The following GREM2 variants were observed in gnomAD, a reference collection of about 807,000 sequenced individuals.
GREM2 encodes the protein gremlin-2.
GREM2 carries 11 observed loss-of-function variants against 14.2 expected under a neutral mutation model. The ratio of observed to expected loss-of-function variants is 0.78; its 90% CI spans 0.49 to 1.28. The LOEUF is 1.28. GREM2 is among the 50% of genes most tolerant of loss of function. The pLI is 0.00. For missense variants in GREM2, 210 were observed against 218.5 expected (o/e 0.96, Z 0.24); for synonymous variants, 98 against 97.6 (o/e 1.00, Z -0.02).
chr1:240,510,188 T>A (rs550760376), intron 1 of GREM2, among the ~76,000 whole-genome samples: 1 of 151,474 alleles, frequency 6.6e-6, no homozygotes, highest in Non-Finnish European at 1.5e-5. Flanking sequence ...GCTAACACGG[T>A]GAAACCCCGT....
At chr1:240,585,105 G>A (rs753102605) in intron 1 of GREM2, among the ~76,000 whole-genome samples, 2 of 152,188 alleles carry the variant, frequency 1.3e-5, no homozygotes, top group Non-Finnish European at 2.9e-5. Flanking sequence ...AACTGGTGGG[G>A]AGGGATCCTT....
At chr1:240,541,815 G>A (rs1271635338) in intron 1 of GREM2, among the ~76,000 whole-genome samples, 1 of 151,992 alleles carries the variant, frequency 6.6e-6, no homozygotes, top group Non-Finnish European at 1.5e-5. Flanking sequence ...AAATCTGAGG[G>A]AACCACTCAG....
chr1:240,547,240 C>A (rs1196555296), intron 1 of GREM2, among the ~76,000 whole-genome samples: 3 of 151,954 alleles, frequency 2.0e-5, no homozygotes, highest in African/African-American at 7.3e-5. Context: ...GTGCCTCATG[C>A]CTGTAATCCC....
At chr1:240,575,595 A>G (rs899792696) in intron 1 of GREM2, among the ~76,000 whole-genome samples, 1 of 151,150 alleles carries the variant, frequency 6.6e-6, no homozygotes, top group Non-Finnish European at 1.5e-5. Context: ...ATCTTGGCTC[A>G]CTGCAATCTC....
chr1:240,555,104 C>T (rs923822411), intron 1 of GREM2, among the ~76,000 whole-genome samples: 2 of 151,838 alleles, frequency 1.3e-5, no homozygotes, highest in African/African-American at 4.8e-5. Context: ...GAGATCGTAC[C>T]ATTGGACTCC....
In GREM2 at chr1:240,608,504, T is replaced by C. The variant is rs137988396; in HGVS notation, c.-2+3380A>G. 7.7e-3 allele frequency among the ~76,000 whole-genome samples: 1,173 copies of C among 152,276 alleles called. 15 individuals are homozygous for C. The highest frequency in any genetic ancestry group is 0.027 in the African/African-American group (1,124 of 41,534). ...AGAGAAGCAGCTAGTTTTCCATAGA[T>C]GATAAGATTAGCTTCCTCTCAGCCT... On this transcript the variant is annotated intron_variant, in intron 1 of 1. Coordinates refer to ENST00000318160, the MANE Select transcript of GREM2 (RefSeq NM_022469.4).
chr1:240,509,579 G>C (rs991921800), intron 1 of GREM2, among the ~76,000 whole-genome samples: 2 of 151,906 alleles, frequency 1.3e-5, no homozygotes, highest in African/African-American at 4.8e-5. Context: ...TGTTGGTCAG[G>C]CTGGTCTCGA....
At chr1:240,512,183 T>C (rs909151914) in intron 1 of GREM2, among the ~76,000 whole-genome samples, 2 of 152,108 alleles carry the variant, frequency 1.3e-5, no homozygotes, top group Non-Finnish European at 2.9e-5. Flanking sequence ...TTGAGGGAGA[T>C]TTTTTTCTCA....
chr1:240,567,675 C>A (rs1679195184), intron 1 of GREM2, among the ~76,000 whole-genome samples: 1 of 151,956 alleles, frequency 6.6e-6, no homozygotes. Flanking sequence ...TCCTTCAAGT[C>A]TAAAGGAAAT....
At chr1:240,593,390 C>T (rs751453167) in intron 1 of GREM2, among the ~76,000 whole-genome samples, 180 of 151,698 alleles carry the variant, frequency 1.2e-3, no homozygotes, top group Non-Finnish European at 1.6e-3. Context: ...TCAGATTCCA[C>T]ACACTGAGTC....
intron 1 of GREM2, among the ~76,000 whole-genome samples, chr1:240,502,105 T>G (rs1677581988): frequency 6.6e-6 from 1 of 152,154 alleles, no homozygotes; most frequent in Admixed American, 6.5e-5. Flanking sequence ...AGAGCTAAAA[T>G]AGCAGACGTC....
intron 1 of GREM2, among the ~76,000 whole-genome samples, chr1:240,493,702 A>ATT (rs138151479): frequency 1.5e-4 from 23 of 150,692 alleles, no homozygotes; most frequent in Admixed American, 2.6e-4. Context: ...CTTTCTTTTT[A>ATT]TTTTTTTTTG....
rs1417802933 is a variant in GREM2, at chr1:240,531,774, T to A, written c.-1-38298A>T. The stretch of plus-strand genomic sequence containing the variant: ...CCCAGACTGGAGAGCAATGGCGTGA[T>A]CTCGGCTCACTGCAACCTCCGCCTC... On this transcript the variant is annotated intron_variant, in intron 1 of 1. Coordinates refer to ENST00000318160, the MANE Select transcript of GREM2 (RefSeq NM_022469.4). 7.1e-6 allele frequency: 5 copies of A among 702,786 alleles called. No homozygotes were observed. In the Admixed American group the frequency reaches 3.1e-4, roughly 44 times the overall value. The allele number at this position is 702,786 out of a possible 1,614,324, so 43.5% of individuals were successfully genotyped here.
At chr1:240,544,406 CA>C (rs1432010433) in intron 1 of GREM2, among the ~76,000 whole-genome samples, 2 of 152,096 alleles carry the variant, frequency 1.3e-5, no homozygotes, top group Admixed American at 6.6e-5. Context: ...CTTGGCCTCC[CA>C]AAGTGCTGGG....
intron 1 of GREM2, among the ~76,000 whole-genome samples, chr1:240,500,959 C>T (rs1185663652): frequency 6.6e-6 from 1 of 152,132 alleles, no homozygotes; most frequent in Non-Finnish European, 1.5e-5. Flanking sequence ...TACCAGTATC[C>T]TTTCCCCTGG....
intron 1 of GREM2, among the ~76,000 whole-genome samples, chr1:240,529,709 A>G (rs1678310902): frequency 6.6e-6 from 1 of 152,156 alleles, no homozygotes; most frequent in Non-Finnish European, 1.5e-5. Flanking sequence ...TAATGGGGTG[A>G]GCATATTAGT....
intron 1 of GREM2, among the ~76,000 whole-genome samples, chr1:240,507,152 C>T (rs562861073): frequency 6.6e-6 from 1 of 152,192 alleles, no homozygotes; most frequent in African/African-American, 2.4e-5. Context: ...TGCTCTCCAG[C>T]GATGCCCAGC....
chr1:240,602,402 TG>T (rs1287791837), intron 1 of GREM2, among the ~76,000 whole-genome samples: 2 of 152,214 alleles, frequency 1.3e-5, no homozygotes, highest in Non-Finnish European at 2.9e-5. Context: ...CCATTGGTTC[TG>T]TAACAATAGT....
intron 1 of GREM2, among the ~76,000 whole-genome samples, chr1:240,502,014 A>C (rs977906798): frequency 5.9e-5 from 9 of 152,084 alleles, no homozygotes; most frequent in African/African-American, 1.9e-4. Context: ...CTGCTGCCCG[A>C]AACACCAATC....
Sources: allele counts gnomAD v4.1 joint callset (sites outside exome capture counted in the v4.1 genomes callset), GRCh38; gene constraint gnomAD v4.1.1; transcripts MANE v1.5; gene names NCBI Gene and HGNC (gene_info 2026-07-23, HGNC 2026-07-21).